EMC3: variants seen among roughly 807,000 people sequenced by gnomAD.
The protein encoded by EMC3 is 30 kDa protein.
In EMC3, 13 loss-of-function variants were observed where a neutral mutation model predicts 36.6. That is an observed-to-expected ratio of 0.35 (90% CI 0.23 to 0.56). The LOEUF is 0.56. Among genes scored for constraint, EMC3 ranks in the 20% least tolerant of loss-of-function variants. The pLI is 0.84. For synonymous variants in EMC3, 120 were observed against 111.9 expected, an observed-to-expected ratio of 1.07 and a Z score of -0.46; for missense variants, 220 against 324.5, an observed-to-expected ratio of 0.68 and a Z score of 2.47.
upstream of EMC3, chr3:9,988,302 G>C (rs1488874767): frequency 1.4e-6 from 1 of 728,274 alleles, no homozygotes; most frequent in East Asian, 2.6e-5. Context: ...CTACTAAGCA[G>C]GAATTCACAT....
intron 7 of EMC3, 125 bp from the exon 8 acceptor site, chr3:9,964,322 T>C: frequency 7.0e-7 from 1 of 1,422,190 alleles, no homozygotes; most frequent in Non-Finnish European, 9.3e-7. Context: ...TATAAGCTCA[T>C]TCAATCCTAC....
intron 5 of EMC3, among the ~76,000 whole-genome samples, chr3:9,972,462 G>GAAAAAAAAAAA (rs34891720): frequency 1.1e-5 from 1 of 90,704 alleles, no homozygotes; most frequent in Non-Finnish European, 2.5e-5. Context: ...GAGTTTCAAT[G>GAAAAAAAAAAA]AAAAAAAAAA....
At position 9,969,711 on chromosome 3, in the gene EMC3, G is replaced by A; in HGVS notation, c.657+8C>T. The A allele has an allele frequency of 6.2e-7, 1 of 1,614,108 alleles. No individual in the cohort carries two copies. The highest frequency in any genetic ancestry group is 8.5e-7 in the Non-Finnish European group (1 of 1,180,020). On this transcript the variant is annotated splice_region_variant and intron_variant, in intron 7 of 7. Coordinates refer to ENST00000245046, the MANE Select transcript of EMC3 (RefSeq NM_001394674.1). Reference sequence around the variant, plus strand: ...ATTGCTGCAGCTTTGAAAGGTGAAGGAGTATACCTTGAAAGCTTTGTTTGT... The same window carrying A: ...ATTGCTGCAGCTTTGAAAGGTGAAGAAGTATACCTTGAAAGCTTTGTTTGT...
chr3:9,992,807 A>C, intron 1 of EMC3: 1 of 1,036,114 alleles, frequency 9.7e-7, no homozygotes, highest in Admixed American at 2.0e-5. Context: ...ATTAGAGGAA[A>C]AGCTGCTGTT....
At position 9,969,765 on chromosome 3, in the gene EMC3, G is replaced by A. The variant is rs144158403; in HGVS notation, c.611C>T (p.Thr204Met). The A allele has an allele frequency of 3.1e-5, 50 of 1,613,828 alleles. 1 individual carries two copies. In the Admixed American group the frequency reaches 4.5e-4, roughly 15 times the overall value. ...DQSRMMQEQM[T>M]GAAMAMPADT... is the part of the protein sequence containing the mutation. ...TGCGGGCATGGCCATGGCTGCTCCC[G>A]TCATCTGCTCCTGCATCATTCGTGA... Residue 204 changes from threonine (T) to methionine (M), a missense_variant, in exon 7 of 8, where the codon ACG (threonine) becomes ATG (methionine). Physicochemically the swap from Thr to Met is moderately conservative, Grantham distance 81. Around this residue, in one of 3 missense-constraint regions of EMC3, gnomAD observed 56 missense variants for 117.0 expected, o/e 0.48. Transcript: ENST00000245046.
At chr3:9,972,462 GAAAAA>G (rs34891720) in intron 5 of EMC3, among the ~76,000 whole-genome samples, 2 of 90,700 alleles carry the variant, frequency 2.2e-5, no homozygotes, top group Non-Finnish European at 4.9e-5. Context: ...GAGTTTCAAT[GAAAAA>G]AAAAAAAAAA....
rs1420231484 is a variant in EMC3 at position 9,963,915 on chromosome 3, T to C, written c.*154A>G. ...CTCCTATTTCCTCTAGTTTCAAACA[T>C]AAAGGGGAACCCAGCCCAGACAAGA... On this transcript the variant is annotated 3_prime_UTR_variant, in exon 8 of 8. Transcript: ENST00000245046. The C allele has an allele frequency of 1.5e-6, 2 of 1,297,626 alleles. No individual in the cohort carries two copies. The highest frequency in any genetic ancestry group is 1.5e-5 in the African/African-American group (1 of 67,508). The allele number at this position is 1,297,626 out of a possible 1,614,324, so 80.4% of individuals were successfully genotyped here. A position where few individuals can be genotyped will look rare whatever the true frequency, so the allele number is the denominator to read the frequency against.
intron 1 of EMC3, among the ~76,000 whole-genome samples, chr3:9,979,083 G>A (rs536098745): frequency 6.6e-6 from 1 of 152,250 alleles, no homozygotes; most frequent in Admixed American, 6.5e-5. Flanking sequence ...AGCCCTCGTG[G>A]AATTCTCTCT....
chr3:10,010,982 G>C (rs2124946020), intron 1 of EMC3: 1 of 152,464 alleles, frequency 6.6e-6, no homozygotes, highest in Admixed American at 6.5e-5. Flanking sequence ...AGATCCGGGG[G>C]CTCAGGGGAG....
At chr3:9,987,599 A>C (rs1420922776), upstream of EMC3, among the ~76,000 whole-genome samples, 2 of 152,202 alleles carry the variant, frequency 1.3e-5, no homozygotes, top group Non-Finnish European at 2.9e-5. Context: ...CTAACTGAGA[A>C]TGTTGACTAA....
Position 9,963,649 on chromosome 3 carries a change from T to C in EMC3, c.*420A>G, listed in dbSNP as rs1324493136. On this transcript the variant is annotated 3_prime_UTR_variant, in exon 8 of 8. Transcript: ENST00000245046. Reference sequence around the variant, plus strand: ...CCACCACGCCCGGCTAATTTTTTTTTGTATTTTTAGTAGAGATGGGGTTTC... The same window carrying C: ...CCACCACGCCCGGCTAATTTTTTTTCGTATTTTTAGTAGAGATGGGGTTTC... 1 of 153,848 alleles carries C rather than the reference T, an allele frequency of 6.5e-6. No individual in the cohort carries two copies. Among genetic ancestry groups the C allele is most frequent in the Non-Finnish European group, 1.4e-5 (1 of 69,406 alleles). 9.5% of individuals were successfully genotyped at this position (153,848 alleles called of 1,614,324 possible).
intron 5 of EMC3, among the ~76,000 whole-genome samples, chr3:9,973,333 T>C (rs2085808158): frequency 6.6e-6 from 1 of 151,988 alleles, no homozygotes; most frequent in African/African-American, 2.4e-5. Flanking sequence ...AAGCTGGGAC[T>C]ACAGGCGCCC....
chr3:10,002,586 T>G, intron 1 of EMC3: 1 of 355,984 alleles, frequency 2.8e-6, no homozygotes, highest in South Asian at 2.1e-5. Flanking sequence ...GCGCCAAGCC[T>G]TGCCTTTATG....
Position 9,977,020 on chromosome 3 carries a change from T to G in EMC3, c.244A>C (p.Asn82His). ...SFLTRKYYFN[N>H]PEDGFFKKTK... Reference sequence around the variant, plus strand: ...TTTTTGAAAAATCCATCCTCTGGGTTGTTGAAATAATATTTTCGTGTCAAG... The same window carrying G: ...TTTTTGAAAAATCCATCCTCTGGGTGGTTGAAATAATATTTTCGTGTCAAG... Residue 82 changes from asparagine to histidine, a missense_variant, in exon 3 of 8, where the codon AAC (asparagine) becomes CAC (histidine). By Grantham distance (68) the Asn-to-His change is moderately conservative. This residue lies in a region of EMC3 where 127 missense variants were observed against 174.6 expected (regional missense o/e 0.73). Coordinates refer to ENST00000245046, the MANE Select transcript of EMC3 (RefSeq NM_001394674.1). 1 of 1,610,926 alleles carries G rather than the reference T, an allele frequency of 6.2e-7. No homozygotes were observed. The highest frequency in any genetic ancestry group is 8.5e-7 in the Non-Finnish European group (1 of 1,179,208).
intron 1 of EMC3, among the ~76,000 whole-genome samples, chr3:10,009,579 G>A (rs1338596111): frequency 6.6e-6 from 1 of 152,228 alleles, no homozygotes; most frequent in Admixed American, 6.5e-5. Flanking sequence ...AGGGGCAAGG[G>A]CCCTGAGAGC....
intron 1 of EMC3, among the ~76,000 whole-genome samples, chr3:9,984,906 G>C (rs1390082790): frequency 1.3e-5 from 2 of 152,222 alleles, no homozygotes; most frequent in African/African-American, 2.4e-5. Context: ...ACTTGTTAAA[G>C]CCTCTGTTTC....
At chr3:9,983,465 G>C (rs73120345) in intron 1 of EMC3, among the ~76,000 whole-genome samples, 112 of 152,174 alleles carry the variant, frequency 7.4e-4, no homozygotes, top group African/African-American at 2.6e-3. Flanking sequence ...TCCTTCTTAA[G>C]GAAGCGTTCT....
At chr3:10,001,435 G>A (rs1021578604) in intron 1 of EMC3, among the ~76,000 whole-genome samples, 7 of 151,180 alleles carry the variant, frequency 4.6e-5, no homozygotes, top group Non-Finnish European at 5.9e-5. Context: ...AAAATTAGCC[G>A]GGTGTGGTGG....
chr3:9,970,596 A>G lies in EMC3; in HGVS notation c.560T>C (p.Leu187Pro). The change falls in exon 6 of 8, where the codon CTG (leucine) becomes CCG (proline). Residue 187 changes from leucine (L) to proline (P), a missense_variant. This residue lies in a region of EMC3 where 56 missense variants were observed against 117.0 expected (regional missense o/e 0.48). Coordinates refer to ENST00000245046, the MANE Select transcript of EMC3 (RefSeq NM_001394674.1). ...FGLRSIYSLILGQDNAADQSR... is the reference protein window; with the variant it reads ...FGLRSIYSLIPGQDNAADQSR... ...ATGCTTCTTACCATTATCTTGGCCC[A>G]GAATCAGAGAGTAAATGCTCCGAAG... The G allele has an allele frequency of 6.2e-7, 1 of 1,614,212 alleles. No homozygotes were observed. The highest frequency in any genetic ancestry group is 8.5e-7 in the Non-Finnish European group (1 of 1,180,026).
Sources: allele counts gnomAD v4.1 joint callset (sites outside exome capture counted in the v4.1 genomes callset), GRCh38; gene constraint gnomAD v4.1.1; regional missense constraint gnomAD v4.1.1; transcripts MANE v1.5; gene names NCBI Gene and HGNC (gene_info 2026-07-23, HGNC 2026-07-21).